Variants in NDEL1 observed in about 807,000 individuals in gnomAD.
NDEL1 encodes nuclear distribution protein nudE-like 1.
In NDEL1, 9 loss-of-function variants were observed where a neutral mutation model predicts 45.7. That is an observed-to-expected ratio of 0.20 (90% CI 0.12 to 0.34). The LOEUF (loss-of-function observed/expected upper bound fraction) is 0.34, where lower values mean the gene tolerates loss of function less well. Ranked by LOEUF, NDEL1 falls within the 10% of genes least tolerant of loss-of-function variation. The pLI, the probability that NDEL1 is intolerant of heterozygous loss-of-function variation, is 1.00. For missense variants in NDEL1, 306 were observed against 406.2 expected (o/e 0.75, Z 2.12); for synonymous variants, 133 against 158.6 (o/e 0.84, Z 1.21).
At chr17:8,470,733 G>T (rs151111641), downstream of NDEL1, among the ~76,000 whole-genome samples, 18 of 152,354 alleles carry the variant, frequency 1.2e-4, no homozygotes, top group East Asian at 2.9e-3. The surrounding 1 kb of genome is among the most constrained non-coding windows in gnomAD (Gnocchi z 4.2). Context: ...GGCCTCACTG[G>T]CCTTGACTCC....
intron 7 of NDEL1, among the ~76,000 whole-genome samples, chr17:8,459,393 G>C (rs541558685): frequency 6.6e-6 from 1 of 152,304 alleles, no homozygotes; most frequent in South Asian, 2.1e-4. Flanking sequence ...GCCCAATTTA[G>C]AGGTAAATGC....
At chr17:8,439,238 C>T (rs1327592430) in intron 1 of NDEL1, among the ~76,000 whole-genome samples, 1 of 148,858 alleles carries the variant, frequency 6.7e-6, no homozygotes, top group Non-Finnish European at 1.5e-5. Flanking sequence ...CTGTGCCCGG[C>T]CTTTTTTTTT....
chr17:8,452,905 A>C (rs1048049622), intron 6 of NDEL1, among the ~76,000 whole-genome samples: 1 of 151,744 alleles, frequency 6.6e-6, no homozygotes, highest in South Asian at 2.1e-4. Flanking sequence ...ACACCCAGCT[A>C]ATTTTGTATT....
intron 1 of NDEL1, among the ~76,000 whole-genome samples, chr17:8,440,886 A>G (rs1209085250): frequency 6.6e-6 from 1 of 152,232 alleles, no homozygotes; most frequent in Admixed American, 6.5e-5. Flanking sequence ...AAATACCCCC[A>G]CATGGAAATG....
At chr17:8,473,687 C>G (rs1308388050) in intron 3 of NDEL1, among the ~76,000 whole-genome samples, 1 of 152,160 alleles carries the variant, frequency 6.6e-6, no homozygotes, top group Non-Finnish European at 1.5e-5. Context: ...TAGTCATAGA[C>G]CCCTTACCCC....
intron 7 of NDEL1, 72 bp downstream of exon 7, chr17:8,454,959 G>C (rs982514090): frequency 2.0e-5 from 27 of 1,354,572 alleles, no homozygotes; most frequent in Non-Finnish European, 2.7e-5. Flanking sequence ...TTTGAAGTGA[G>C]GGAAGAAAGA....
In NDEL1 at chr17:8,462,834, A is replaced by T. The variant is rs187333252; in HGVS notation, c.944+2674A>T. On this transcript the variant is annotated intron_variant, in intron 8 of 8. Coordinates refer to ENST00000334527, the MANE Select transcript of NDEL1 (RefSeq NM_030808.5). ...TGTGTGTGTGCATGTGTGCGGGTGTACATGTGTTCACCTTCCCACCCGCTG... is the reference window on the plus strand; with the variant it reads ...TGTGTGTGTGCATGTGTGCGGGTGTTCATGTGTTCACCTTCCCACCCGCTG... 7.1e-4 allele frequency: 110 copies of T among 154,820 alleles called. 1 individual carries two copies. The highest frequency in any genetic ancestry group is 1.6e-4 in the Non-Finnish European group (11 of 69,862). The allele number at this position is 154,820 out of a possible 1,614,324, so 9.6% of individuals were successfully genotyped here. A position where few individuals can be genotyped will look rare whatever the true frequency, so the allele number is the denominator to read the frequency against.
At chr17:8,438,728 C>T (rs1909519202) in intron 1 of NDEL1, among the ~76,000 whole-genome samples, 1 of 151,840 alleles carries the variant, frequency 6.6e-6, no homozygotes, top group African/African-American at 2.4e-5. Context: ...GTTGTCCAGG[C>T]TGGCCTTGAA....
intron 1 of NDEL1, among the ~76,000 whole-genome samples, chr17:8,443,266 GTAA>G (rs954150827): frequency 2.8e-4 from 42 of 152,218 alleles, no homozygotes; most frequent in African/African-American, 9.9e-4. Context: ...TTGCCCTGTG[GTAA>G]TAATATCAGT....
chr17:8,457,282 A>G (rs1910904699), intron 7 of NDEL1, among the ~76,000 whole-genome samples: 2 of 151,892 alleles, frequency 1.3e-5, no homozygotes, highest in South Asian at 2.1e-4. Context: ...TCGCCCTCGA[A>G]TTTCTCTCCA....
chr17:8,456,561 C>T (rs1304593467), intron 7 of NDEL1, among the ~76,000 whole-genome samples: 6 of 143,414 alleles, frequency 4.2e-5, no homozygotes, highest in Non-Finnish European at 7.5e-5. Flanking sequence ...TGCAGCGGCA[C>T]GATCTCAGCT....
chr17:8,434,566 T>C (rs926376968), upstream of NDEL1, among the ~76,000 whole-genome samples: 14 of 152,082 alleles, frequency 9.2e-5, no homozygotes, highest in African/African-American at 3.1e-4. Context: ...AGGATTACCT[T>C]GTACATTATA....
intron 1 of NDEL1, among the ~76,000 whole-genome samples, chr17:8,420,642 G>T (rs1429198209): frequency 6.6e-6 from 1 of 152,240 alleles, no homozygotes; most frequent in Non-Finnish European, 1.5e-5. Flanking sequence ...ACACAGATAA[G>T]TCAGATGTAT....
Position 8,444,253 on chromosome 17 carries a change from T to G in NDEL1, c.-12-7T>G. The G allele has an allele frequency of 6.4e-7, 1 of 1,563,372 alleles. No homozygotes were observed. The highest frequency in any genetic ancestry group is 1.4e-5 in the African/African-American group (1 of 73,716). On this transcript the variant is annotated splice_polypyrimidine_tract_variant and splice_region_variant and intron_variant, in intron 1 of 8. Coordinates refer to ENST00000334527, the MANE Select transcript of NDEL1 (RefSeq NM_030808.5). The stretch of plus-strand genomic sequence containing the variant: ...AATTTGTTAAGTTTGTCTTTAATAT[T>G]TCACAGGCTTTCTTGATCATGGATG...
chr17:8,457,966 T>C (rs192947652), intron 7 of NDEL1, among the ~76,000 whole-genome samples: 4 of 152,350 alleles, frequency 2.6e-5, no homozygotes, highest in South Asian at 4.1e-4. Context: ...ACTTATGTGG[T>C]ACATATTACA....
intron 4 of NDEL1, among the ~76,000 whole-genome samples, chr17:8,448,202 A>G (rs1254090465): frequency 1.3e-5 from 2 of 152,176 alleles, no homozygotes; most frequent in African/African-American, 4.8e-5. Flanking sequence ...TTTTAAACAA[A>G]CTCTTACATA....
intron 1 of NDEL1, among the ~76,000 whole-genome samples, chr17:8,416,403 C>T (rs1180074414): frequency 6.6e-6 from 1 of 152,130 alleles, no homozygotes; most frequent in Non-Finnish European, 1.5e-5. Flanking sequence ...TGGAAACAGT[C>T]CTTCATTCTA....
At chr17:8,413,708 AC>A (rs1481293272) in intron 1 of NDEL1, among the ~76,000 whole-genome samples, 2 of 152,208 alleles carry the variant, frequency 1.3e-5, no homozygotes, top group Non-Finnish European at 1.5e-5. Context: ...CCTTGACTTC[AC>A]TGCTCATGGG....
chr17:8,466,838 A>G, intron 8 of NDEL1, 92 bp from the exon 9 acceptor site: 1 of 1,286,596 alleles, frequency 7.8e-7, no homozygotes, highest in Non-Finnish European at 1.1e-6. Flanking sequence ...ATAGTTTTAG[A>G]AAGCAGATTA....
Sources: allele counts gnomAD v4.1 joint callset (sites outside exome capture counted in the v4.1 genomes callset), GRCh38; gene constraint gnomAD v4.1.1; non-coding constraint Gnocchi (gnomAD v3.1); transcripts MANE v1.5; gene names NCBI Gene and HGNC (gene_info 2026-07-23, HGNC 2026-07-21).